SLFN12L: variants seen among roughly 807,000 people sequenced by gnomAD.
SLFN12L encodes the protein schlafen family member 12-like.
SLFN12L carries 34 observed loss-of-function variants against 34.8 expected under a neutral mutation model. That is an observed-to-expected ratio of 0.98 (90% CI 0.74 to 1.30). The LOEUF (loss-of-function observed/expected upper bound fraction) is 1.30, where lower values mean the gene tolerates loss of function less well. SLFN12L is among the 50% of genes most tolerant of loss of function. The pLI, the probability that SLFN12L is intolerant of heterozygous loss-of-function variation, is 0.00. For synonymous variants in SLFN12L, 259 were observed against 247.5 expected, an observed-to-expected ratio of 1.05 and a Z score of -0.44; for missense variants, 703 against 696.2, an observed-to-expected ratio of 1.01 and a Z score of -0.11.
chr17:35,469,286 TA>T lies in SLFN12L; in HGVS notation c.*5636del, dbSNP rs763711289. ...ACCTGACTGCAGGACCTGTTTTATA[TA>T]AAATATATATATATAAAATATATAT... On this transcript the variant is annotated 3_prime_UTR_variant, in exon 5 of 5. Transcript: ENST00000628453. Among the ~76,000 whole-genome samples, 2,492 of 141,370 alleles carry T rather than the reference TA, an allele frequency of 0.018. 34 individuals carry two copies. The highest frequency in any genetic ancestry group is 0.027 in the Non-Finnish European group (1,806 of 66,394). 92.7% of individuals were successfully genotyped at this position (141,370 alleles called of 152,430 possible).
intron 2 of SLFN12L, among the ~76,000 whole-genome samples, chr17:35,484,360 C>T (rs147833027): frequency 5.6e-4 from 86 of 152,264 alleles, no homozygotes; most frequent in African/African-American, 1.8e-3. Context: ...GGAAATCAAG[C>T]GAGGACTCCC....
chr17:35,532,155 A>C (rs1333002055), intron 1 of SLFN12L, among the ~76,000 whole-genome samples: 4 of 152,218 alleles, frequency 2.6e-5, no homozygotes, highest in Admixed American at 6.5e-5. Context: ...GTTTTTAAAA[A>C]TAGGCACAGG....
In SLFN12L at chr17:35,466,081, C is replaced by T. The variant is rs755349241; in HGVS notation, c.*8842G>A. On this transcript the variant is annotated 3_prime_UTR_variant, in exon 5 of 5. Coordinates refer to ENST00000628453, the MANE Select transcript of SLFN12L (RefSeq NM_001363830.2). ...ACCCACTGCCCGCACTCATGCATAG[C>T]CTCCCCCATTAGCAACATCTCCCAT... 6.6e-6 allele frequency among the ~76,000 whole-genome samples: 1 copy of T among 152,118 alleles called. No individual in the cohort carries two copies. Among genetic ancestry groups the T allele is most frequent in the Non-Finnish European group, 1.5e-5 (1 of 68,012 alleles).
At chr17:35,477,636 T>A (rs1391823657) in intron 4 of SLFN12L, among the ~76,000 whole-genome samples, 1 of 152,114 alleles carries the variant, frequency 6.6e-6, no homozygotes, top group Non-Finnish European at 1.5e-5. Flanking sequence ...CGCCACTTCA[T>A]AGAAGATAAA....
Position 35,502,416 on chromosome 17 carries a change from GAAAA to G in SLFN12L, c.86+19859_86+19862del, listed in dbSNP as rs1161388791. ...CTCACCAGTTCAGAAGTATCCTAAGGAAAAAAAAAAAAAAAAAAAAAAAAAAACG... is the reference window on the plus strand; with the variant it reads ...CTCACCAGTTCAGAAGTATCCTAAGGAAAAAAAAAAAAAAAAAAAAAAACG... On this transcript the variant is annotated intron_variant, in intron 2 of 4. Coordinates refer to ENST00000628453, the MANE Select transcript of SLFN12L (RefSeq NM_001363830.2). 3.2e-4 allele frequency among the ~76,000 whole-genome samples: 8 copies of G among 25,262 alleles called. No individual in the cohort carries two copies. The East Asian group carries it at 9.5e-3, about 30-fold the overall frequency. 16.6% of individuals were successfully genotyped at this position (25,262 alleles called of 152,430 possible).
intron 1 of SLFN12L, among the ~76,000 whole-genome samples, chr17:35,530,448 GAA>G (rs2072392283): frequency 3.1e-5 from 1 of 32,254 alleles, no homozygotes; most frequent in Admixed American, 3.9e-4. Flanking sequence ...AGGGAAGAAA[GAA>G]AGAAAGAAAG....
At chr17:35,507,015 G>T (rs909566947) in intron 2 of SLFN12L, among the ~76,000 whole-genome samples, 6 of 152,184 alleles carry the variant, frequency 3.9e-5, no homozygotes, top group Non-Finnish European at 8.8e-5. Flanking sequence ...TCCCAAAGTT[G>T]CAAACTGTGT....
rs199713584 is a variant in SLFN12L, at chr17:35,469,327, A to AATAT, written c.*5592_*5595dup. ...AAAATATATATATATTATATATATA[A>AATAT]ATATATATATAATATATATATATAT... On this transcript the variant is annotated 3_prime_UTR_variant, in exon 5 of 5. Coordinates refer to ENST00000628453, the MANE Select transcript of SLFN12L (RefSeq NM_001363830.2). Among the ~76,000 whole-genome samples the AATAT allele has an allele frequency of 9.9e-5, 10 of 100,848 alleles. No individual in the cohort carries two copies. The highest frequency in any genetic ancestry group is 1.9e-4 in the Non-Finnish European group (9 of 48,480). The allele number at this position is 100,848 out of a possible 152,430, so 66.2% of individuals were successfully genotyped here. A position where few individuals can be genotyped will look rare whatever the true frequency, so the allele number is the denominator to read the frequency against.
At position 35,479,406 on chromosome 17, in the gene SLFN12L, A is replaced by T; in HGVS notation, c.876T>A (p.Phe292Leu). ...GLNEDKEVIGFKAEKSYLTKL... is the reference protein window; with the variant it reads ...GLNEDKEVIGLKAEKSYLTKL... ...TAGTAAGATAACTCTTCTCTGCTTT[A>T]AAGCCAATTACTTCTTTATCTTCAT... Residue 292 changes from phenylalanine to leucine, a missense_variant, in exon 3 of 5, where the codon TTT becomes TTA. Phe to Leu is a conservative substitution (Grantham distance 22). Coordinates refer to ENST00000628453, the MANE Select transcript of SLFN12L (RefSeq NM_001363830.2). The T allele has an allele frequency of 6.2e-7, 1 of 1,613,056 alleles. No individual in the cohort carries two copies. The highest frequency in any genetic ancestry group is 2.2e-5 in the East Asian group (1 of 44,882).
chr17:35,534,356 G>A (rs976976383), intron 1 of SLFN12L, among the ~76,000 whole-genome samples: 19 of 152,116 alleles, frequency 1.2e-4, no homozygotes, highest in African/African-American at 4.1e-4. Flanking sequence ...GCAAGACTCC[G>A]TCTCAAAAAA....
At chr17:35,487,797 C>G in intron 2 of SLFN12L, 1 of 1,527,516 alleles carries the variant, frequency 6.5e-7, no homozygotes, top group Non-Finnish European at 8.8e-7. Flanking sequence ...TTCCTGCTCT[C>G]CGCGTCCGTG....
chr17:35,493,093 T>A (rs1914905044), intron 2 of SLFN12L, among the ~76,000 whole-genome samples: 1 of 152,048 alleles, frequency 6.6e-6, no homozygotes, highest in Non-Finnish European at 1.5e-5. Flanking sequence ...ATTCTTTGTG[T>A]GGGTATGCGT....
In SLFN12L at chr17:35,469,142, T is replaced by C. The variant is rs1913760239; in HGVS notation, c.*5781A>G. On this transcript the variant is annotated 3_prime_UTR_variant, in exon 5 of 5. Coordinates refer to ENST00000628453, the MANE Select transcript of SLFN12L (RefSeq NM_001363830.2). ...CCCAGTGCCTACCCCTACTACCCCCTCAAGCTTTCCCCCGTGACTTCCTGC... is the reference window on the plus strand; with the variant it reads ...CCCAGTGCCTACCCCTACTACCCCCCCAAGCTTTCCCCCGTGACTTCCTGC... Among the ~76,000 whole-genome samples the C allele has an allele frequency of 6.9e-6, 1 of 145,560 alleles. No homozygotes were observed.
chr17:35,475,653 C>A (rs1023677745), intron 4 of SLFN12L, among the ~76,000 whole-genome samples, 168 bp from the exon 5 acceptor site: 1 of 152,114 alleles, frequency 6.6e-6, no homozygotes, highest in Non-Finnish European at 1.5e-5. Context: ...AATAACAACA[C>A]TTTGGGAGGC....
At chr17:35,516,985 G>A (rs1915848007) in intron 2 of SLFN12L, among the ~76,000 whole-genome samples, 2 of 151,970 alleles carry the variant, frequency 1.3e-5, no homozygotes, top group South Asian at 4.1e-4. Context: ...ACACTTACTT[G>A]TCATCTCAAT....
chr17:35,518,725 T>C (rs1915910914), intron 2 of SLFN12L, among the ~76,000 whole-genome samples: 1 of 151,996 alleles, frequency 6.6e-6, no homozygotes, highest in South Asian at 2.1e-4. Context: ...TGTGGAGAAA[T>C]AGGAACACTT....
In SLFN12L at chr17:35,490,251, A is replaced by G. The variant is rs35377459; in HGVS notation, c.87-10056T>C. The G allele has an allele frequency of 1.5e-4, 231 of 1,540,364 alleles. 6 individuals are homozygous for G. In the South Asian group the frequency reaches 2.5e-3, roughly 17 times the overall value. Reference sequence around the variant, plus strand: ...CTGGAGCTAGGAGAAAGCGGTCATCAGTACCTCTCGGATGGTTCAAAAACC... The same window carrying G: ...CTGGAGCTAGGAGAAAGCGGTCATCGGTACCTCTCGGATGGTTCAAAAACC... On this transcript the variant is annotated intron_variant, in intron 2 of 4. Transcript: ENST00000628453.
chr17:35,479,818 T>C lies in SLFN12L; in HGVS notation c.464A>G (p.Glu155Gly). Reference sequence around the variant, plus strand: ...CGTGGCAATCTGCGGACCAGAGGTTTCCAAGCTCCATGATTTCACAAAAAT... The same window carrying C: ...CGTGGCAATCTGCGGACCAGAGGTTCCCAAGCTCCATGATTTCACAAAAAT... ...FHIFVKSWSL[E>G]TSGPQIATLS... The change falls in exon 3 of 5, where the codon GAA becomes GGA. Residue 155 changes from glutamate (E) to glycine (G), a missense_variant. Coordinates refer to ENST00000628453, the MANE Select transcript of SLFN12L (RefSeq NM_001363830.2). 1 of 1,609,340 alleles carries C rather than the reference T, an allele frequency of 6.2e-7. No individual in the cohort carries two copies. The highest frequency in any genetic ancestry group is 8.5e-7 in the Non-Finnish European group (1 of 1,177,682).
intron 2 of SLFN12L, among the ~76,000 whole-genome samples, chr17:35,481,314 C>T (rs1247370749): frequency 2.6e-5 from 4 of 152,226 alleles, no homozygotes; most frequent in East Asian, 1.9e-4. Context: ...GGCCTGACAT[C>T]AGTCAGGCCT....
Sources: gnomAD v4.1 joint callset for allele counts (sites outside exome capture counted in the v4.1 genomes callset) on GRCh38, gnomAD v4.1.1 for gene constraint, MANE v1.5 for transcripts, NCBI Gene and HGNC (gene_info 2026-07-23, HGNC 2026-07-21) for gene names.